The following RABGEF1 variants were observed in gnomAD, a reference collection of about 807,000 sequenced individuals.
RABGEF1 encodes RAB guanine nucleotide exchange factor 1.
A neutral mutation model predicts 57.3 loss-of-function variants in RABGEF1; 26 were observed. The observed-to-expected ratio is 0.45, with a 90% CI of 0.33 to 0.63. The LOEUF is 0.63. Among genes scored for constraint, RABGEF1 ranks in the 20% least tolerant of loss-of-function variants. The pLI is 0.02. For synonymous variants in RABGEF1, 185 were observed against 210.7 expected (o/e 0.88, Z 1.06); for missense variants, 464 against 607.6 (o/e 0.76, Z 2.48).
chr7:66,752,937 T>C (rs986814037), intron 1 of RABGEF1, among the ~76,000 whole-genome samples: 3 of 152,240 alleles, frequency 2.0e-5, no homozygotes, highest in Non-Finnish European at 2.9e-5. Context: ...TCTGATGAAT[T>C]GTTTGAGAAA....
chr7:66,763,074 T>A (rs1438477644), intron 1 of RABGEF1, among the ~76,000 whole-genome samples: 1 of 152,228 alleles, frequency 6.6e-6, no homozygotes, highest in African/African-American at 2.4e-5. Flanking sequence ...CATAGCTCGC[T>A]GCAGCCTCAA....
At chr7:66,674,536 C>A in the RABGEF1 span, among the ~76,000 whole-genome samples, 2 of 152,050 alleles carry the variant, frequency 1.3e-5, no homozygotes, top group South Asian at 4.2e-4. Context: ...CATAATAGCC[C>A]AAAACTGGAA....
chr7:66,761,977 G>A (rs1252279468), intron 1 of RABGEF1, among the ~76,000 whole-genome samples: 5 of 152,036 alleles, frequency 3.3e-5, no homozygotes, highest in Non-Finnish European at 7.4e-5. Context: ...CTTGAACCCG[G>A]GAGGTAGCGA....
At chr7:66,772,165 G>A (rs1807312109) in intron 2 of RABGEF1, 87 bp downstream of exon 2, 1 of 1,097,492 alleles carries the variant, frequency 9.1e-7, no homozygotes, top group South Asian at 3.0e-5. Context: ...TTTCACTTCT[G>A]CTTTGAGCTA....
chr7:66,742,273 CTGAT>C (rs1799169857), intron 1 of RABGEF1, among the ~76,000 whole-genome samples: 2 of 152,184 alleles, frequency 1.3e-5, no homozygotes, highest in Admixed American at 1.3e-4. Context: ...TTAAGAGTCA[CTGAT>C]TCATATCCGC....
At chr7:66,798,824 T>C (rs1294015956) in intron 6 of RABGEF1, among the ~76,000 whole-genome samples, 1 of 152,080 alleles carries the variant, frequency 6.6e-6, no homozygotes, top group East Asian at 1.9e-4. Flanking sequence ...TAGCTGGGCA[T>C]GGAGGTGGGC....
At chr7:66,738,731 C>CAAAAAAAAAAA (rs546724986), upstream of RABGEF1, among the ~76,000 whole-genome samples, 1 of 94,982 alleles carries the variant, frequency 1.1e-5, no homozygotes, top group African/African-American at 4.7e-5. Context: ...GACTCTAACT[C>CAAAAAAAAAAA]AAAAAAAAAA....
chr7:66,718,942 T>C (rs1015038250), intron 2 of RABGEF1, among the ~76,000 whole-genome samples: 1 of 152,238 alleles, frequency 6.6e-6, no homozygotes, highest in Non-Finnish European at 1.5e-5. Flanking sequence ...GTTTCTCTGC[T>C]CTGCCACATA....
intron 1 of RABGEF1, among the ~76,000 whole-genome samples, chr7:66,695,687 C>T (rs534508124): frequency 3.3e-5 from 5 of 152,208 alleles, no homozygotes; most frequent in Admixed American, 1.3e-4. Flanking sequence ...GACAACTGGC[C>T]AGGCGCAGTG....
chr7:66,678,053 C>G (rs927300709), upstream of RABGEF1, among the ~76,000 whole-genome samples: 7 of 151,552 alleles, frequency 4.6e-5, no homozygotes, highest in African/African-American at 1.7e-4. Context: ...GACAAAGACC[C>G]TGTCTCGAAA....
At chr7:66,748,997 G>T (rs1452740300) in intron 1 of RABGEF1, 1 of 180,606 alleles carries the variant, frequency 5.5e-6, no homozygotes, top group South Asian at 1.1e-4. Context: ...GCTCTTGGTA[G>T]GTGATATCAG....
At chr7:66,735,965 G>A (rs573109592), upstream of RABGEF1, among the ~76,000 whole-genome samples, 1 of 152,240 alleles carries the variant, frequency 6.6e-6, no homozygotes, top group Non-Finnish European at 1.5e-5. Context: ...CTGATAATAA[G>A]GCTGATAAAA....
upstream of RABGEF1, among the ~76,000 whole-genome samples, chr7:66,680,674 C>T (rs762674322): frequency 2.2e-4 from 33 of 152,004 alleles, no homozygotes; most frequent in African/African-American, 7.0e-4. Context: ...GGGCCGGGCG[C>T]GGTGGCTCAC....
intron 3 of RABGEF1, among the ~76,000 whole-genome samples, chr7:66,779,341 T>C (rs781751953): frequency 2.3e-4 from 35 of 151,338 alleles, no homozygotes; most frequent in Admixed American, 1.6e-3. Flanking sequence ...CTGTCTCTAC[T>C]AAAAATACAA....
intron 4 of RABGEF1, among the ~76,000 whole-genome samples, chr7:66,784,564 G>T (rs922791968): frequency 6.6e-6 from 1 of 152,216 alleles, no homozygotes; most frequent in African/African-American, 2.4e-5. Context: ...AGCTCTGAAA[G>T]TTCCTTCTAT....
At chr7:66,753,788 C>T (rs952582665) in intron 1 of RABGEF1, among the ~76,000 whole-genome samples, 19 of 144,202 alleles carry the variant, frequency 1.3e-4, no homozygotes, top group African/African-American at 4.6e-4. Flanking sequence ...CTCGCTGCAA[C>T]CTCTGCCTCC....
upstream of RABGEF1, among the ~76,000 whole-genome samples, chr7:66,678,710 T>C (rs995477003): frequency 6.6e-6 from 1 of 152,172 alleles, no homozygotes; most frequent in African/African-American, 2.4e-5. Context: ...TCTCACCATG[T>C]TGCCCGGGCT....
intron 4 of RABGEF1, among the ~76,000 whole-genome samples, chr7:66,793,493 G>T (rs943847361): frequency 6.6e-6 from 1 of 152,040 alleles, no homozygotes; most frequent in Non-Finnish European, 1.5e-5. Flanking sequence ...TTTTATTTTT[G>T]GGTTAGGAAT....
the RABGEF1 span, among the ~76,000 whole-genome samples, chr7:66,663,284 A>T: frequency 6.6e-6 from 1 of 152,156 alleles, no homozygotes; most frequent in South Asian, 2.1e-4. Flanking sequence ...TGGGGCTCTC[A>T]GCTCTGAAGG....
Sources: gnomAD v4.1 joint callset for allele counts (sites outside exome capture counted in the v4.1 genomes callset) on GRCh38, gnomAD v4.1.1 for gene constraint, MANE v1.5 for transcripts, NCBI Gene and HGNC (gene_info 2026-07-23, HGNC 2026-07-21) for gene names.